The following BCL11A variants were observed in gnomAD, a reference collection of about 807,000 sequenced individuals.
BCL11A encodes the protein BCL11 transcription factor A.
A neutral mutation model predicts 55.9 loss-of-function variants in BCL11A; 2 were observed. That is an observed-to-expected ratio of 0.04 (90% CI 0.01 to 0.11). BCL11A has a LOEUF of 0.11. Among genes scored for constraint, BCL11A ranks in the 10% least tolerant of loss-of-function variants. The pLI is 1.00. For synonymous variants in BCL11A, 465 were observed against 473.4 expected, an observed-to-expected ratio of 0.98 and a Z score of 0.23; for missense variants, 817 against 1,137.1, an observed-to-expected ratio of 0.72 and a Z score of 4.05.
At chr2:60,536,190 T>C (rs1039294505) in intron 2 of BCL11A, 1 of 152,346 alleles carries the variant, frequency 6.6e-6, no homozygotes. Flanking sequence ...TCATTTGAAC[T>C]GCTATCGAAG....
At chr2:60,489,101 G>C (rs939663566) in intron 2 of BCL11A, among the ~76,000 whole-genome samples, 1 of 152,154 alleles carries the variant, frequency 6.6e-6, no homozygotes, top group Admixed American at 6.5e-5. Flanking sequence ...AAAATGCTGT[G>C]TGTCCTAAAT....
At chr2:60,472,782 AC>A (rs2104031439) in intron 2 of BCL11A, among the ~76,000 whole-genome samples, 1 of 152,348 alleles carries the variant, frequency 6.6e-6, no homozygotes, top group African/African-American at 2.4e-5. Context: ...GAAACTAATC[AC>A]TGGGTGTGTA....
intron 2 of BCL11A, among the ~76,000 whole-genome samples, chr2:60,472,008 A>G (rs1677230285): frequency 6.6e-6 from 1 of 152,222 alleles, no homozygotes; most frequent in Admixed American, 6.5e-5. Flanking sequence ...TTCCCTGGGC[A>G]GAGACCCATG....
At chr2:60,549,044 A>C (rs1670275934) in intron 1 of BCL11A, among the ~76,000 whole-genome samples, 1 of 152,226 alleles carries the variant, frequency 6.6e-6, no homozygotes, top group Admixed American at 6.5e-5. Flanking sequence ...GCTCCGGCCT[A>C]AACTCCGGCT....
chr2:60,467,116 G>GAT, intron 3 of BCL11A, among the ~76,000 whole-genome samples: 2 of 143,670 alleles, frequency 1.4e-5, no homozygotes, highest in South Asian at 2.2e-4. Context: ...TGGTAGTGGT[G>GAT]GTGGTGGTGG....
rs570279823 is a variant in BCL11A, at chr2:60,478,678, A to C, written c.386-9845T>G. Among the ~76,000 whole-genome samples, 279 of 152,398 alleles carry C rather than the reference A, an allele frequency of 1.8e-3. 1 individual carries two copies. Among genetic ancestry groups the C allele is most frequent in the African/African-American group, 6.4e-3 (267 of 41,594 alleles). ...GCTCTACCAAAAAAAATGGTCTAGC[A>C]GGTCAGGCTCTAACATTTCTTCAGG... On this transcript the variant is annotated intron_variant, in intron 2 of 3. Transcript: ENST00000642384.
In BCL11A at chr2:60,518,747, C is replaced by T. The variant is rs537908575; in HGVS notation, c.385+27224G>A. 9.9e-5 allele frequency among the ~76,000 whole-genome samples: 15 copies of T among 152,256 alleles called. 1 individual carries two copies. In the South Asian group the frequency reaches 3.1e-3, roughly 32 times the overall value. On this transcript the variant is annotated intron_variant, in intron 2 of 3. Coordinates refer to ENST00000642384, the MANE Select transcript of BCL11A (RefSeq NM_022893.4). ...CAGAATCAGAACGTGGGATGGGGTG[C>T]CCCAAGGCATTCCTGGGGGCCGGGC...
intron 3 of BCL11A, among the ~76,000 whole-genome samples, chr2:60,467,117 G>GA (rs1676675528): frequency 1.7e-5 from 2 of 118,772 alleles, no homozygotes; most frequent in South Asian, 2.6e-4. Flanking sequence ...GGTAGTGGTG[G>GA]TGGTGGTGGT....
chr2:60,532,049 C>G (rs979705870), intron 2 of BCL11A, among the ~76,000 whole-genome samples: 10 of 152,184 alleles, frequency 6.6e-5, no homozygotes, highest in Non-Finnish European at 1.5e-4. Flanking sequence ...CTCAGCCTCA[C>G]GCCTCACCCC....
In BCL11A at chr2:60,458,051, CA is replaced by C; in HGVS notation, c.*2352del. The C allele has an allele frequency of 4.9e-6, 5 of 1,030,302 alleles. No homozygotes were observed. Among genetic ancestry groups the C allele is most frequent in the Non-Finnish European group, 4.7e-6 (4 of 857,730 alleles). The allele number at this position is 1,030,302 out of a possible 1,614,324, so 63.8% of individuals were successfully genotyped here. ...AGCCTGTCTTTTTTTTTTCCACTAC[CA>C]AAAAAGGTACATTGATACCTTTTAA... is the stretch of plus-strand genomic sequence containing the variant. On this transcript the variant is annotated 3_prime_UTR_variant, in exon 4 of 4. Coordinates refer to ENST00000642384, the MANE Select transcript of BCL11A (RefSeq NM_022893.4).
At chr2:60,492,308 A>C (rs1442452592) in intron 2 of BCL11A, among the ~76,000 whole-genome samples, 1 of 152,222 alleles carries the variant, frequency 6.6e-6, no homozygotes, top group African/African-American at 2.4e-5. Context: ...TCAAGGCTGC[A>C]GTGAGCTATG....
chr2:60,504,254 C>T (rs568846891), intron 2 of BCL11A, among the ~76,000 whole-genome samples: 30 of 152,318 alleles, frequency 2.0e-4, no homozygotes, highest in African/African-American at 5.3e-4. Flanking sequence ...TGCTGCCTAC[C>T]GGCACGCATG....
chr2:60,470,629 G>A (rs1339345220), intron 2 of BCL11A, among the ~76,000 whole-genome samples: 1 of 152,120 alleles, frequency 6.6e-6, no homozygotes, highest in Admixed American at 6.5e-5. Context: ...CAAGAAATGG[G>A]AGAACTGCTA....
At chr2:60,483,354 C>T (rs1185067436) in intron 2 of BCL11A, among the ~76,000 whole-genome samples, 1 of 152,152 alleles carries the variant, frequency 6.6e-6, no homozygotes, top group Non-Finnish European at 1.5e-5. Flanking sequence ...TAAATCGATG[C>T]CTCAAATTGG....
chr2:60,545,911 A>G, intron 2 of BCL11A, 60 bp downstream of exon 2: 5 of 1,472,372 alleles, frequency 3.4e-6, no homozygotes, highest in Non-Finnish European at 4.7e-6. Flanking sequence ...GCTTGGCTAC[A>G]GCACCTCTGA....
At chr2:60,514,266 C>T (rs1233590616) in intron 2 of BCL11A, among the ~76,000 whole-genome samples, 1 of 152,158 alleles carries the variant, frequency 6.6e-6, no homozygotes, top group East Asian at 1.9e-4. Context: ...CTAAGGAACA[C>T]CCCGGCCACT....
In BCL11A at chr2:60,461,793, C is replaced by A. The variant is rs147757821; in HGVS notation, c.1119G>T (p.Pro373=). ...LQSAPPPSQP[P]VKSKSCEFCG... ...AGAACTCGCATGACTTGGACTTGACCGGGGGCTGGGAGGGAGGAGGGGCGG... is the reference window on the plus strand; with the variant it reads ...AGAACTCGCATGACTTGGACTTGACAGGGGGCTGGGAGGGAGGAGGGGCGG... The change falls in exon 4 of 4, where the codon CCG becomes CCT. Residue 373 remains proline (P), a synonymous_variant. Coordinates refer to ENST00000642384, the MANE Select transcript of BCL11A (RefSeq NM_022893.4). 3 of 1,016,546 alleles carry A rather than the reference C, an allele frequency of 3.0e-6. No homozygotes were observed. The highest frequency in any genetic ancestry group is 4.1e-6 in the Non-Finnish European group (3 of 729,898). The allele number at this position is 1,016,546 out of a possible 1,614,324, so 63.0% of individuals were successfully genotyped here. A position where few individuals can be genotyped will look rare whatever the true frequency, so the allele number is the denominator to read the frequency against.
At chr2:60,516,605 C>T (rs1025173116) in intron 2 of BCL11A, among the ~76,000 whole-genome samples, 2 of 152,112 alleles carry the variant, frequency 1.3e-5, no homozygotes, top group African/African-American at 4.8e-5. Flanking sequence ...GAGCTAAGCT[C>T]AATATGGACA....
At chr2:60,500,242 G>C (rs914521125) in intron 2 of BCL11A, among the ~76,000 whole-genome samples, 3 of 152,216 alleles carry the variant, frequency 2.0e-5, no homozygotes, top group African/African-American at 7.2e-5. Context: ...TGTGAGAGCG[G>C]TGGTCTTGAG....
Sources: allele counts gnomAD v4.1 joint callset (sites outside exome capture counted in the v4.1 genomes callset), GRCh38; gene constraint gnomAD v4.1.1; transcripts MANE v1.5; gene names NCBI Gene and HGNC (gene_info 2026-07-23, HGNC 2026-07-21).